Variants in SDK1 observed in about 807,000 individuals in gnomAD.
The protein encoded by SDK1 is protein sidekick-1.
SDK1 carries 157 observed loss-of-function variants against 245.5 expected under a neutral mutation model. That is an observed-to-expected ratio of 0.64 (90% CI 0.56 to 0.73). The LOEUF (loss-of-function observed/expected upper bound fraction) is 0.73, where lower values mean the gene tolerates loss of function less well. Among genes scored for constraint, SDK1 ranks in the 30% least tolerant of loss-of-function variants. The pLI is 0.00. For synonymous variants in SDK1, 1,647 were observed against 1,278.5 expected (o/e 1.29, Z -6.15); for missense variants, 3,583 against 3,002.3 (o/e 1.19, Z -4.52).
chr7:3,782,205 C>T (rs1367096616), intron 4 of SDK1, among the ~76,000 whole-genome samples: 2 of 152,162 alleles, frequency 1.3e-5, no homozygotes, highest in Non-Finnish European at 2.9e-5. Flanking sequence ...GCTTACAATC[C>T]TGGCAGAAGG....
intron 28 of SDK1, 76 bp from the exon 29 acceptor site, chr7:4,145,646 C>T (rs1327994819): frequency 7.5e-7 from 1 of 1,331,964 alleles, no homozygotes; most frequent in Non-Finnish European, 1.0e-6. Context: ...GGGGTCAGCA[C>T]AGGGTGTGGG....
intron 22 of SDK1, among the ~76,000 whole-genome samples, chr7:4,096,232 C>T (rs1255695376): frequency 6.6e-6 from 1 of 152,234 alleles, no homozygotes; most frequent in Non-Finnish European, 1.5e-5. Context: ...CTGCTGCCAG[C>T]ATTCCGTCTG....
At chr7:3,833,942 C>A (rs762092347) in intron 5 of SDK1, among the ~76,000 whole-genome samples, 1 of 152,178 alleles carries the variant, frequency 6.6e-6, no homozygotes, top group Non-Finnish European at 1.5e-5. Context: ...GTTGCCCCCA[C>A]TGGCCTCCAT....
At position 4,036,351 on chromosome 7, in the gene SDK1, T is replaced by G. The variant is rs13437977; in HGVS notation, c.2603-12997T>G. 7.9e-3 allele frequency among the ~76,000 whole-genome samples: 1,211 copies of G among 152,354 alleles called. 19 individuals carry two copies. Among genetic ancestry groups the G allele is most frequent in the African/African-American group, 0.027 (1,140 of 41,582 alleles). On this transcript the variant is annotated intron_variant, in intron 17 of 44. Coordinates refer to ENST00000404826, the MANE Select transcript of SDK1 (RefSeq NM_152744.4). Reference sequence around the variant, plus strand: ...ATGAATGGTTTTGTGATCGTGTAAATGGATTTGGAATCTGATCAAATGTTT... The same window carrying G: ...ATGAATGGTTTTGTGATCGTGTAAAGGGATTTGGAATCTGATCAAATGTTT...
chr7:3,526,269 T>C (rs895359305), intron 1 of SDK1, among the ~76,000 whole-genome samples: 15 of 152,228 alleles, frequency 9.9e-5, no homozygotes, highest in African/African-American at 3.1e-4. Flanking sequence ...GTGACCTTTA[T>C]AGGATATCTT....
chr7:4,266,075 C>T lies in SDK1; in HGVS notation c.*691C>T. 3 of 985,514 alleles carry T rather than the reference C, an allele frequency of 3.0e-6. No homozygotes were observed. Among genetic ancestry groups the T allele is most frequent in the Non-Finnish European group, 3.6e-6 (3 of 829,982 alleles). 61.0% of individuals were successfully genotyped at this position (985,514 alleles called of 1,614,324 possible). A position where few individuals can be genotyped will look rare whatever the true frequency, so the allele number is the denominator to read the frequency against. On this transcript the variant is annotated 3_prime_UTR_variant, in exon 45 of 45. Coordinates refer to ENST00000404826, the MANE Select transcript of SDK1 (RefSeq NM_152744.4). ...CTCAGGCTTTTCTGCCTGTCTTTCC[C>T]CCTTCCTTCTCACCTGACAGCGAGG...
chr7:3,742,765 C>T (rs1779513122), intron 4 of SDK1, among the ~76,000 whole-genome samples: 2 of 152,118 alleles, frequency 1.3e-5, no homozygotes, highest in Admixed American at 1.3e-4. Flanking sequence ...CAGACCCAGT[C>T]ACAGAACCAA....
chr7:3,512,630 C>T (rs912033905), intron 1 of SDK1, among the ~76,000 whole-genome samples: 2 of 152,132 alleles, frequency 1.3e-5, no homozygotes, highest in African/African-American at 4.8e-5. Flanking sequence ...TTGGTGTTGT[C>T]TGGATTTTGG....
At chr7:3,439,807 G>A (rs1292058803) in intron 1 of SDK1, among the ~76,000 whole-genome samples, 2 of 152,178 alleles carry the variant, frequency 1.3e-5, no homozygotes, top group Non-Finnish European at 2.9e-5. Context: ...GAATGGCCAT[G>A]ACAGCTTTAA....
intron 28 of SDK1, among the ~76,000 whole-genome samples, chr7:4,135,835 C>G (rs981387151): frequency 1.3e-5 from 2 of 152,286 alleles, no homozygotes; most frequent in Middle Eastern, 3.4e-3. Flanking sequence ...GCTGGAGGCT[C>G]CCTGGACTTG....
rs535057267 is a variant in SDK1 at position 3,746,229 on chromosome 7, A to G, written c.714-75221A>G. On this transcript the variant is annotated intron_variant, in intron 4 of 44. Coordinates refer to ENST00000404826, the MANE Select transcript of SDK1 (RefSeq NM_152744.4). Reference sequence around the variant, plus strand: ...GTGTGCAATAGCATTATGTCTAAAAATTTACATACCTTAATTCAAAAATAC... The same window carrying G: ...GTGTGCAATAGCATTATGTCTAAAAGTTTACATACCTTAATTCAAAAATAC... 1.9e-3 allele frequency among the ~76,000 whole-genome samples: 284 copies of G among 152,338 alleles called. 2 individuals carry two copies. In the South Asian group the frequency reaches 0.022, roughly 12 times the overall value.
chr7:3,903,149 GT>G (rs79544680), intron 5 of SDK1, among the ~76,000 whole-genome samples: 59 of 142,346 alleles, frequency 4.1e-4, no homozygotes, highest in Admixed American at 4.9e-4. Flanking sequence ...TTTTTGTTTT[GT>G]TTTTTTTTTT....
At chr7:3,806,470 G>C (rs1454171659) in intron 4 of SDK1, among the ~76,000 whole-genome samples, 1 of 152,244 alleles carries the variant, frequency 6.6e-6, no homozygotes, top group Non-Finnish European at 1.5e-5. Context: ...GGGCCCCAGA[G>C]CTCTGTGATG....
intron 1 of SDK1, among the ~76,000 whole-genome samples, chr7:3,566,900 G>A (rs958705779): frequency 4.5e-4 from 69 of 152,246 alleles, no homozygotes; most frequent in African/African-American, 1.6e-3. Context: ...ACTAGCAAGA[G>A]TTGGCTGAGG....
intron 1 of SDK1, among the ~76,000 whole-genome samples, chr7:3,330,567 G>A (rs1036007508): frequency 6.6e-6 from 1 of 152,124 alleles, no homozygotes; most frequent in Non-Finnish European, 1.5e-5. Flanking sequence ...GTCATGTGAT[G>A]CGTCTTGCCA....
chr7:3,550,142 CTA>C (rs1234847388), intron 1 of SDK1, among the ~76,000 whole-genome samples: 1 of 152,010 alleles, frequency 6.6e-6, no homozygotes, highest in African/African-American at 2.4e-5. Flanking sequence ...TAATATGTGT[CTA>C]TCTCAATATA....
At chr7:3,621,834 A>G (rs1040406374) in intron 2 of SDK1, among the ~76,000 whole-genome samples, 1 of 152,242 alleles carries the variant, frequency 6.6e-6, no homozygotes, top group African/African-American at 2.4e-5. Flanking sequence ...GTCTCAAACT[A>G]TTATTTGCAA....
intron 4 of SDK1, among the ~76,000 whole-genome samples, chr7:3,704,963 G>A (rs1327799631): frequency 6.6e-6 from 1 of 152,112 alleles, no homozygotes; most frequent in Non-Finnish European, 1.5e-5. Context: ...CCCAATTTAT[G>A]TTTTTGCGTG....
chr7:3,552,020 A>C (rs1028277887), intron 1 of SDK1, among the ~76,000 whole-genome samples: 2 of 151,746 alleles, frequency 1.3e-5, no homozygotes, highest in Non-Finnish European at 2.9e-5. Flanking sequence ...CTAAACATGA[A>C]AGATTTTACT....
Sources: allele counts gnomAD v4.1 joint callset (sites outside exome capture counted in the v4.1 genomes callset), GRCh38; gene constraint gnomAD v4.1.1; transcripts MANE v1.5; gene names NCBI Gene and HGNC (gene_info 2026-07-23, HGNC 2026-07-21).